The following XRRA1 variants were observed in gnomAD, a reference collection of about 807,000 sequenced individuals.
The protein encoded by XRRA1 is X-ray radiation resistance-associated protein 1.
Under a neutral mutation model 80.2 loss-of-function variants are expected in XRRA1, and 69 were observed. The ratio of observed to expected loss-of-function variants is 0.86; its 90% CI spans 0.71 to 1.05. The LOEUF (loss-of-function observed/expected upper bound fraction) is 1.05, where lower values mean the gene tolerates loss of function less well. Ranked by LOEUF, XRRA1 falls within the 50% of genes least tolerant of loss-of-function variation. The pLI is 0.00. For synonymous variants in XRRA1, 348 were observed against 389.9 expected, an observed-to-expected ratio of 0.89 and a Z score of 1.27; for missense variants, 967 against 976.4, an observed-to-expected ratio of 0.99 and a Z score of 0.13.
chr11:74,918,470 C>T (rs1372388493), intron 8 of XRRA1, among the ~76,000 whole-genome samples: 1 of 152,116 alleles, frequency 6.6e-6, no homozygotes, highest in Non-Finnish European at 1.5e-5. Context: ...GTGTCTCATC[C>T]TTCTTGAGGG....
intron 5 of XRRA1, among the ~76,000 whole-genome samples, chr11:74,932,680 A>C (rs1256397572): frequency 6.6e-6 from 1 of 152,196 alleles, no homozygotes; most frequent in Non-Finnish European, 1.5e-5. Flanking sequence ...ATCTTCTATG[A>C]CTTTGTCTCA....
rs575729151 is a variant in XRRA1, at chr11:74,841,884, T to C, written c.*1316A>G. 5.9e-5 allele frequency: 9 copies of C among 152,416 alleles called. No individual in the cohort carries two copies. In the South Asian group the frequency reaches 6.2e-4, roughly 11 times the overall value. 9.4% of individuals were successfully genotyped at this position (152,416 alleles called of 1,614,324 possible). On this transcript the variant is annotated 3_prime_UTR_variant, in exon 19 of 19. Transcript: ENST00000684022. ...CAAAGCTGTGCCACCAATGAGAGCA[T>C]TGGGTTCAAGTTTGCATCAAACATG...
At chr11:74,925,961 G>T (rs1368061625) in intron 7 of XRRA1, among the ~76,000 whole-genome samples, 1 of 152,144 alleles carries the variant, frequency 6.6e-6, no homozygotes, top group African/African-American at 2.4e-5. Context: ...TGTATCTCTA[G>T]ACCATCTGAA....
intron 10 of XRRA1, among the ~76,000 whole-genome samples, chr11:74,899,087 T>TA (rs1380134837): frequency 9.9e-5 from 15 of 152,108 alleles, no homozygotes; most frequent in Non-Finnish European, 8.8e-5. Context: ...GGAATAAAAT[T>TA]AGAAATCAAT....
rs185766075 is a variant in XRRA1, at chr11:74,885,967, T to C, written c.1003+20272A>G. On this transcript the variant is annotated intron_variant, in intron 10 of 18. Coordinates refer to ENST00000684022, the MANE Select transcript of XRRA1 (RefSeq NM_001378157.1). ...AACAGAACTAAAAACAAAAACCACA[T>C]GATCATCTTAATAAATGCAGAAAAT... Among the ~76,000 whole-genome samples, 23 of 152,332 alleles carry C rather than the reference T, an allele frequency of 1.5e-4. 1 individual carries two copies. Among genetic ancestry groups the C allele is most frequent in the Admixed American group, 1.5e-3 (23 of 15,294 alleles).
At position 74,843,122 on chromosome 11, in the gene XRRA1, G is replaced by A; in HGVS notation, c.*78C>T. 6.8e-7 allele frequency: 1 copy of A among 1,468,088 alleles called. No homozygotes were observed. The highest frequency in any genetic ancestry group is 9.0e-7 in the Non-Finnish European group (1 of 1,105,548). The allele number at this position is 1,468,088 out of a possible 1,614,324, so 90.9% of individuals were successfully genotyped here. On this transcript the variant is annotated 3_prime_UTR_variant, in exon 19 of 19. Transcript: ENST00000684022. The stretch of plus-strand genomic sequence containing the variant: ...CCTGTGGCCGGCTGGTCAACCTTGA[G>A]GTGCGGTCCAGGGCACAGAGCCCTC...
At chr11:74,929,566 G>A (rs1591511493) in intron 6 of XRRA1, among the ~76,000 whole-genome samples, 1 of 152,292 alleles carries the variant, frequency 6.6e-6, no homozygotes, top group East Asian at 1.9e-4. Flanking sequence ...TCCCCCACAT[G>A]CTTCCCTTGC....
rs67132744 is a variant in XRRA1 at position 74,914,708 on chromosome 11, C to CTT, written c.656+6504_656+6505dup. The stretch of plus-strand genomic sequence containing the variant: ...AGTTATGCCCTATTCTGCAGATAAC[C>CTT]TTTTTTTTTTTTTTTTGAAAAACAA... On this transcript the variant is annotated intron_variant, in intron 8 of 18. Transcript: ENST00000684022. Among the ~76,000 whole-genome samples the CTT allele has an allele frequency of 3.5e-4, 48 of 137,808 alleles. No homozygotes were observed. In the South Asian group the frequency reaches 5.8e-3, roughly 17 times the overall value. 90.4% of individuals were successfully genotyped at this position (137,808 alleles called of 152,430 possible).
intron 10 of XRRA1, among the ~76,000 whole-genome samples, chr11:74,899,847 A>T (rs2053205642): frequency 6.6e-6 from 1 of 152,174 alleles, no homozygotes; most frequent in Admixed American, 6.5e-5. Flanking sequence ...TACCAATCCT[A>T]TTCAAACTGT....
At chr11:74,847,677 G>T (rs1296648657) in intron 15 of XRRA1, among the ~76,000 whole-genome samples, 1 of 152,128 alleles carries the variant, frequency 6.6e-6, no homozygotes, top group African/African-American at 2.4e-5. Flanking sequence ...TCTCAGCACT[G>T]ATTGCATAAG....
In XRRA1 at chr11:74,844,226, T is replaced by G; in HGVS notation, c.1985A>C (p.His662Pro). The G allele has an allele frequency of 6.2e-7, 1 of 1,613,618 alleles. No homozygotes were observed. Among genetic ancestry groups the G allele is most frequent in the Non-Finnish European group, 8.5e-7 (1 of 1,179,826 alleles). Reference sequence around the variant, plus strand: ...AGTGTCCAGCTTGGGCTTGGAGGAGTGGCACAGGAGTGGGTGCTTCAGCAT... The same window carrying G: ...AGTGTCCAGCTTGGGCTTGGAGGAGGGGCACAGGAGTGGGTGCTTCAGCAT... ...QQMLKHPLLC[H>P]SSKPKLDTLQ... is the part of the protein sequence containing the mutation. The change falls in exon 17 of 19, where the codon CAC (histidine) becomes CCC (proline). Residue 662 changes from histidine (H) to proline (P), a missense_variant. By Grantham distance (77) the His-to-Pro change is moderately conservative. Coordinates refer to ENST00000684022, the MANE Select transcript of XRRA1 (RefSeq NM_001378157.1).
chr11:74,869,606 C>T (rs2044295886), intron 10 of XRRA1, among the ~76,000 whole-genome samples: 1 of 152,176 alleles, frequency 6.6e-6, no homozygotes, highest in African/African-American at 2.4e-5. Context: ...CAACATGGTG[C>T]AGGCCAGGCA....
chr11:74,886,344 G>C (rs551881349), intron 10 of XRRA1, among the ~76,000 whole-genome samples: 5 of 152,260 alleles, frequency 3.3e-5, no homozygotes, highest in African/African-American at 1.2e-4. Context: ...TCCTAGATCT[G>C]ATAAACAACT....
chr11:74,912,050 A>G (rs2056038718), intron 8 of XRRA1, among the ~76,000 whole-genome samples: 1 of 152,216 alleles, frequency 6.6e-6, no homozygotes, highest in South Asian at 2.1e-4. Flanking sequence ...AGAGAAAGAC[A>G]AGGGGAAGGG....
intron 8 of XRRA1, among the ~76,000 whole-genome samples, chr11:74,913,262 T>C (rs770992211): frequency 1.8e-4 from 28 of 152,234 alleles, no homozygotes; most frequent in Admixed American, 2.6e-4. Context: ...CCTGAGGTAA[T>C]TGCAGAGATT....
intron 10 of XRRA1, among the ~76,000 whole-genome samples, chr11:74,867,917 C>CTTTTTTTTTTTTTTTTT (rs60520990): frequency 9.4e-6 from 1 of 106,748 alleles, no homozygotes; most frequent in African/African-American, 3.6e-5. Flanking sequence ...TATAGTCAAT[C>CTTTTTTTTTTTTTTTTT]TTTTTTTTTT....
At chr11:74,919,998 T>C in intron 8 of XRRA1, 1 of 85,448 alleles carries the variant, frequency 1.2e-5, no homozygotes, top group Non-Finnish European at 2.4e-5. Context: ...AACAAAGTTA[T>C]AAAACTGCAA....
chr11:74,875,599 C>G (rs1448008896), intron 10 of XRRA1, among the ~76,000 whole-genome samples: 1 of 152,178 alleles, frequency 6.6e-6, no homozygotes, highest in African/African-American at 2.4e-5. Flanking sequence ...ATCCCTTTGG[C>G]TGGGCACGGT....
At chr11:74,848,594 A>C (rs1425344384) in intron 14 of XRRA1, 132 bp from the exon 15 acceptor site, 7 of 772,390 alleles carry the variant, frequency 9.1e-6, no homozygotes, top group African/African-American at 5.2e-5. Flanking sequence ...TGGAAAGGGA[A>C]ATCATACTTG....
Sources: allele counts gnomAD v4.1 joint callset (sites outside exome capture counted in the v4.1 genomes callset), GRCh38; gene constraint gnomAD v4.1.1; transcripts MANE v1.5; gene names NCBI Gene and HGNC (gene_info 2026-07-23, HGNC 2026-07-21).